The following ATP8A2 variants were observed in gnomAD, a reference collection of about 807,000 sequenced individuals.
ATP8A2 encodes the protein ATPase phospholipid transporting 8A2.
ATP8A2 carries 100 observed loss-of-function variants against 165.6 expected under a neutral mutation model. That is an observed-to-expected ratio of 0.60 (90% CI 0.51 to 0.71). The LOEUF is 0.71. Ranked by LOEUF, ATP8A2 falls within the 30% of genes least tolerant of loss-of-function variation. ATP8A2 has a pLI of 0.00. For synonymous variants in ATP8A2, 543 were observed against 548.8 expected, an observed-to-expected ratio of 0.99 and a Z score of 0.15; for missense variants, 1,227 against 1,479.5, an observed-to-expected ratio of 0.83 and a Z score of 2.80.
intron 1 of ATP8A2, among the ~76,000 whole-genome samples, chr13:25,434,866 G>A (rs1176407982): frequency 6.6e-6 from 1 of 152,248 alleles, no homozygotes; most frequent in Non-Finnish European, 1.5e-5. Flanking sequence ...TGTTCTATTG[G>A]TATGGACATA....
rs546598571 is a variant in ATP8A2, at chr13:25,898,004, T to G, written c.3183+35596T>G. On this transcript the variant is annotated intron_variant, in intron 33 of 36. Coordinates refer to ENST00000381655, the MANE Select transcript of ATP8A2 (RefSeq NM_016529.6). The stretch of plus-strand genomic sequence containing the variant: ...AACTTCCTCCTTTAGCTCGGAGAAG[T>G]TTGATCTTCTGAAGCCTTCCTCTCT... Among the ~76,000 whole-genome samples, 7 of 152,320 alleles carry G rather than the reference T, an allele frequency of 4.6e-5. No homozygotes were observed. In the East Asian group the frequency reaches 1.4e-3, roughly 29 times the overall value.
At chr13:26,004,429 A>G (rs779479218) in intron 35 of ATP8A2, among the ~76,000 whole-genome samples, 1 of 152,088 alleles carries the variant, frequency 6.6e-6, no homozygotes, top group Non-Finnish European at 1.5e-5. Flanking sequence ...AGGATTTTCT[A>G]TACATAGCAT....
chr13:25,554,890 T>G, intron 12 of ATP8A2, 101 bp from the exon 13 acceptor site: 1 of 767,718 alleles, frequency 1.3e-6, no homozygotes, highest in Non-Finnish European at 2.1e-6. Context: ...AATAAAAGGG[T>G]TTTAGATTAC....
At chr13:25,773,226 G>C (rs1158512585) in intron 26 of ATP8A2, among the ~76,000 whole-genome samples, 1 of 152,148 alleles carries the variant, frequency 6.6e-6, no homozygotes, top group Non-Finnish European at 1.5e-5. Flanking sequence ...TAGAACAGGA[G>C]GCATTAAGGT....
At chr13:25,482,478 G>A (rs1202924178) in intron 2 of ATP8A2, among the ~76,000 whole-genome samples, 1 of 152,150 alleles carries the variant, frequency 6.6e-6, no homozygotes, top group Non-Finnish European at 1.5e-5. Flanking sequence ...CTGGAAACTT[G>A]GGTGGGGCTT....
At chr13:25,826,113 A>G (rs1951307234) in intron 27 of ATP8A2, among the ~76,000 whole-genome samples, 1 of 152,232 alleles carries the variant, frequency 6.6e-6, no homozygotes, top group African/African-American at 2.4e-5. Flanking sequence ...CACCCTCAAA[A>G]TAAGTATTTG....
chr13:25,567,433 C>G (rs2039347775), intron 16 of ATP8A2: 1 of 456,074 alleles, frequency 2.2e-6, no homozygotes, highest in Non-Finnish European at 4.4e-6. Context: ...TCCTTTCCTC[C>G]TCATCGTCTG....
At chr13:25,800,150 G>A (rs1234522327) in intron 27 of ATP8A2, among the ~76,000 whole-genome samples, 1 of 152,212 alleles carries the variant, frequency 6.6e-6, no homozygotes, top group Non-Finnish European at 1.5e-5. Context: ...GCACCCAGAG[G>A]TGCGATGTAA....
intron 24 of ATP8A2, among the ~76,000 whole-genome samples, chr13:25,664,054 C>T (rs7337428): frequency 6.6e-6 from 1 of 151,692 alleles, no homozygotes; most frequent in African/African-American, 2.4e-5. Flanking sequence ...ACAAAAAATA[C>T]AAAAATTAGG....
At chr13:25,727,157 A>T (rs533675777) in intron 25 of ATP8A2, among the ~76,000 whole-genome samples, 76 of 152,328 alleles carry the variant, frequency 5.0e-4, no homozygotes, top group African/African-American at 1.7e-3. Flanking sequence ...CTCAGAAAAT[A>T]GCATTTATAT....
chr13:25,848,033 T>A (rs1211483680), intron 30 of ATP8A2, among the ~76,000 whole-genome samples: 1 of 152,220 alleles, frequency 6.6e-6, no homozygotes, highest in Non-Finnish European at 1.5e-5. Context: ...CTACCCTGCC[T>A]CACCTGTTCC....
chr13:25,783,308 T>C (rs1264851341), intron 27 of ATP8A2, among the ~76,000 whole-genome samples: 4 of 152,238 alleles, frequency 2.6e-5, no homozygotes, highest in Admixed American at 6.5e-5. Flanking sequence ...TAACTGCAAC[T>C]GTAATATGTT....
intron 25 of ATP8A2, among the ~76,000 whole-genome samples, chr13:25,710,525 TA>T (rs1231379857): frequency 6.6e-6 from 1 of 152,214 alleles, no homozygotes; most frequent in Non-Finnish European, 1.5e-5. Flanking sequence ...TTGATCCTAA[TA>T]TTTTTTTGAA....
At chr13:25,452,421 G>C (rs1225666229) in intron 1 of ATP8A2, among the ~76,000 whole-genome samples, 1 of 152,026 alleles carries the variant, frequency 6.6e-6, no homozygotes, top group African/African-American at 2.4e-5. Flanking sequence ...TCCTCTCCTT[G>C]TAACATTATG....
intron 25 of ATP8A2, among the ~76,000 whole-genome samples, chr13:25,708,875 A>G (rs1305544290): frequency 1.3e-5 from 2 of 152,228 alleles, no homozygotes; most frequent in Non-Finnish European, 2.9e-5. Flanking sequence ...AGAGCTAACT[A>G]AAGTTGCCAA....
chr13:25,373,412 A>G (rs1361875297), intron 1 of ATP8A2, among the ~76,000 whole-genome samples: 3 of 152,170 alleles, frequency 2.0e-5, no homozygotes, highest in African/African-American at 7.2e-5. Flanking sequence ...TTTTGAGGAG[A>G]ATCCCAGCCT....
At chr13:25,669,014 A>G (rs1043809772) in intron 24 of ATP8A2, among the ~76,000 whole-genome samples, 1 of 152,156 alleles carries the variant, frequency 6.6e-6, no homozygotes, top group Non-Finnish European at 1.5e-5. Flanking sequence ...GTTGTTGTCT[A>G]GTAAGCCCAG....
Position 25,898,430 on chromosome 13 carries a change from G to C in ATP8A2, c.3183+36022G>C, listed in dbSNP as rs182621560. 1.2e-3 allele frequency among the ~76,000 whole-genome samples: 180 copies of C among 152,306 alleles called. 1 individual carries two copies. Among genetic ancestry groups the C allele is most frequent in the African/African-American group, 4.0e-3 (166 of 41,566 alleles). The stretch of plus-strand genomic sequence containing the variant: ...ACCCAGCCGTGTGAGGTGTCAGTCC[G>C]CCCCTACTGGGGGGTGCCTCCAAGT... On this transcript the variant is annotated intron_variant, in intron 33 of 36. Transcript: ENST00000381655.
intron 24 of ATP8A2, among the ~76,000 whole-genome samples, chr13:25,601,708 G>C (rs2040392206): frequency 6.6e-6 from 1 of 152,170 alleles, no homozygotes; most frequent in Admixed American, 6.5e-5. Context: ...GAACTCAAGT[G>C]ATCCACCCAC....
Sources: allele counts gnomAD v4.1 joint callset (sites outside exome capture counted in the v4.1 genomes callset), GRCh38; gene constraint gnomAD v4.1.1; transcripts MANE v1.5; gene names NCBI Gene and HGNC (gene_info 2026-07-23, HGNC 2026-07-21).